The following CERS6 variants were observed in gnomAD, a reference collection of about 807,000 sequenced individuals.
CERS6 encodes the protein LAG1 homolog, ceramide synthase 6.
CERS6 carries 26 observed loss-of-function variants against 56.8 expected under a neutral mutation model. That is an observed-to-expected ratio of 0.46 (90% CI 0.34 to 0.63). The LOEUF is 0.63. CERS6 is among the 30% of genes least tolerant of loss of function. The pLI is 0.01. For synonymous variants in CERS6, 164 were observed against 173.3 expected, an observed-to-expected ratio of 0.95 and a Z score of 0.42; for missense variants, 415 against 467.5, an observed-to-expected ratio of 0.89 and a Z score of 1.04.
At chr2:168,769,087 C>T (rs1228501761) in intron 9 of CERS6, among the ~76,000 whole-genome samples, 1 of 151,894 alleles carries the variant, frequency 6.6e-6, no homozygotes, top group Non-Finnish European at 1.5e-5. Context: ...TAGTGACTAT[C>T]TCCATTGCTA....
intron 3 of CERS6, among the ~76,000 whole-genome samples, chr2:168,605,962 C>CA (rs780126857): frequency 6.6e-6 from 1 of 152,216 alleles, no homozygotes; most frequent in Non-Finnish European, 1.5e-5. Flanking sequence ...AGCCCCCACA[C>CA]AGAGTCCCCA....
At chr2:168,508,476 C>A (rs942853751) in intron 1 of CERS6, among the ~76,000 whole-genome samples, 5 of 152,180 alleles carry the variant, frequency 3.3e-5, no homozygotes, top group Non-Finnish European at 5.9e-5. Context: ...TCCTTTTAAT[C>A]TTCCATCCTT....
At position 168,687,461 on chromosome 2, in the gene CERS6, A is replaced by G. The variant is rs8179553; in HGVS notation, c.466-3573A>G. Among the ~76,000 whole-genome samples, 2,658 of 152,216 alleles carry G rather than the reference A, an allele frequency of 0.017. 139 individuals carry two copies. The East Asian group carries it at 0.2, about 12-fold the overall frequency. On this transcript the variant is annotated intron_variant, in intron 4 of 9. Coordinates refer to ENST00000305747, the MANE Select transcript of CERS6 (RefSeq NM_203463.3). ...GGGAGCTTTAGAGATGCAGAATTTCATCCCCAAGCCCAGACCTCAGCCTGC... is the reference window on the plus strand; with the variant it reads ...GGGAGCTTTAGAGATGCAGAATTTCGTCCCCAAGCCCAGACCTCAGCCTGC...
intron 8 of CERS6, among the ~76,000 whole-genome samples, chr2:168,732,432 C>T (rs1683568232): frequency 6.6e-6 from 1 of 152,186 alleles, no homozygotes; most frequent in African/African-American, 2.4e-5. Context: ...AAATGGCCCT[C>T]CCCAGACTGG....
intron 9 of CERS6, among the ~76,000 whole-genome samples, chr2:168,768,918 AAAAAG>A (rs1559087034): frequency 6.6e-6 from 1 of 151,012 alleles, no homozygotes; most frequent in African/African-American, 2.5e-5. Context: ...AAAAAAAAAA[AAAAAG>A]AAAAGAAAAA....
At chr2:168,608,577 T>G (rs1684110156) in intron 3 of CERS6, among the ~76,000 whole-genome samples, 1 of 152,222 alleles carries the variant, frequency 6.6e-6, no homozygotes, top group African/African-American at 2.4e-5. Flanking sequence ...GCCATTCTAG[T>G]GGGGTGTGAA....
At chr2:168,459,390 G>C (rs1667144636) in intron 1 of CERS6, among the ~76,000 whole-genome samples, 3 of 152,202 alleles carry the variant, frequency 2.0e-5, no homozygotes, top group African/African-American at 7.2e-5. Flanking sequence ...GGCTGTTGTG[G>C]TGTGGATAGT....
At chr2:168,556,408 TC>T (rs1695679645) in intron 2 of CERS6, among the ~76,000 whole-genome samples, 1 of 152,154 alleles carries the variant, frequency 6.6e-6, no homozygotes, top group African/African-American at 2.4e-5. Flanking sequence ...AAACCTGACA[TC>T]TTTTTGATTA....
chr2:168,477,703 T>A (rs1694104905), intron 1 of CERS6, among the ~76,000 whole-genome samples: 1 of 152,192 alleles, frequency 6.6e-6, no homozygotes, highest in Admixed American at 6.5e-5. Flanking sequence ...TTTTGATAGA[T>A]ATTGGAGAAT....
At chr2:168,615,172 G>A (rs1345991397) in intron 3 of CERS6, among the ~76,000 whole-genome samples, 1 of 152,078 alleles carries the variant, frequency 6.6e-6, no homozygotes, top group African/African-American at 2.4e-5. Flanking sequence ...AAGAGGGAGA[G>A]TACTACATCA....
chr2:168,632,901 G>T (rs1173700693), intron 4 of CERS6, among the ~76,000 whole-genome samples: 4 of 152,090 alleles, frequency 2.6e-5, no homozygotes, highest in Non-Finnish European at 4.4e-5. Context: ...AGGCCTGCTG[G>T]ATATAGCCTC....
chr2:168,514,158 A>T (rs1246363526), intron 1 of CERS6, among the ~76,000 whole-genome samples: 1 of 152,180 alleles, frequency 6.6e-6, no homozygotes. Flanking sequence ...AAGCTTTTTG[A>T]CAGTTTAGTT....
chr2:168,762,587 TATATA>T (rs1317805208), intron 8 of CERS6, among the ~76,000 whole-genome samples: 9 of 152,352 alleles, frequency 5.9e-5, no homozygotes, highest in African/African-American at 1.9e-4. Context: ...TTGGCCTATG[TATATA>T]ATATATTAAT....
At chr2:168,571,739 G>C (rs1695991076) in intron 3 of CERS6, among the ~76,000 whole-genome samples, 1 of 152,094 alleles carries the variant, frequency 6.6e-6, no homozygotes, top group South Asian at 2.1e-4. Flanking sequence ...TTTGACATAG[G>C]CATGCCACAT....
intron 4 of CERS6, among the ~76,000 whole-genome samples, chr2:168,654,593 A>C (rs1685424294): frequency 6.6e-6 from 1 of 152,000 alleles, no homozygotes; most frequent in African/African-American, 2.4e-5. Context: ...TGTAATTCAC[A>C]AGGTAAGACC....
chr2:168,733,626 G>C (rs1380151843), intron 8 of CERS6, among the ~76,000 whole-genome samples: 1 of 152,190 alleles, frequency 6.6e-6, no homozygotes, highest in Non-Finnish European at 1.5e-5. Flanking sequence ...TCTTACAGTA[G>C]ACGAGTATAT....
At chr2:168,705,852 A>T (rs963792481) in intron 6 of CERS6, among the ~76,000 whole-genome samples, 1 of 152,206 alleles carries the variant, frequency 6.6e-6, no homozygotes, top group Non-Finnish European at 1.5e-5. Context: ...AACAACAAAA[A>T]AAAAATGGAG....
At position 168,656,747 on chromosome 2, in the gene CERS6, G is replaced by A. The variant is rs559459440; in HGVS notation, c.465+25705G>A. ...CCACAGTGTGGAAGGGGACCCGAGCGGGTTGCCACTGCTGGCTCGGGCAGC... is the reference window on the plus strand; with the variant it reads ...CCACAGTGTGGAAGGGGACCCGAGCAGGTTGCCACTGCTGGCTCGGGCAGC... On this transcript the variant is annotated intron_variant, in intron 4 of 9. Coordinates refer to ENST00000305747, the MANE Select transcript of CERS6 (RefSeq NM_203463.3). Among the ~76,000 whole-genome samples, 462 of 152,136 alleles carry A rather than the reference G, an allele frequency of 3.0e-3. 1 individual carries two copies. The highest frequency in any genetic ancestry group is 5.4e-3 in the Non-Finnish European group (366 of 67,994).
intron 1 of CERS6, among the ~76,000 whole-genome samples, chr2:168,502,712 T>G (rs958857647): frequency 2.6e-5 from 4 of 152,184 alleles, no homozygotes; most frequent in Admixed American, 2.6e-4. Flanking sequence ...TATTAGCCAT[T>G]TTATCATTGG....
Sources: allele counts gnomAD v4.1 joint callset (sites outside exome capture counted in the v4.1 genomes callset), GRCh38; gene constraint gnomAD v4.1.1; transcripts MANE v1.5; gene names NCBI Gene and HGNC (gene_info 2026-07-23, HGNC 2026-07-21).